Variants in ESRRB observed in about 807,000 individuals in gnomAD.
ESRRB encodes the protein steroid hormone receptor ERR2.
In ESRRB, 16 loss-of-function variants were observed where a neutral mutation model predicts 46.0. The observed-to-expected ratio is 0.35, with a 90% CI of 0.24 to 0.53. The LOEUF (loss-of-function observed/expected upper bound fraction) is 0.53. ESRRB is among the 20% of genes least tolerant of loss of function. The pLI is 0.93. For synonymous variants in ESRRB, 246 were observed against 259.6 expected, an observed-to-expected ratio of 0.95 and a Z score of 0.50; for missense variants, 488 against 607.4, an observed-to-expected ratio of 0.80 and a Z score of 2.07.
chr14:76,324,672 A>T (rs1348104862), intron 1 of ESRRB, among the ~76,000 whole-genome samples: 1 of 152,162 alleles, frequency 6.6e-6, no homozygotes, highest in Non-Finnish European at 1.5e-5. Context: ...CTTGGGTTAC[A>T]TCTCTCTTTC....
At chr14:76,317,510 G>A (rs1883816299) in intron 1 of ESRRB, among the ~76,000 whole-genome samples, 1 of 152,154 alleles carries the variant, frequency 6.6e-6, no homozygotes, top group African/African-American at 2.4e-5. Flanking sequence ...TCAGCTGGGG[G>A]AAGGCACAAT....
At chr14:76,462,218 C>T (rs1470044923) in intron 2 of ESRRB, among the ~76,000 whole-genome samples, 1 of 152,096 alleles carries the variant, frequency 6.6e-6, no homozygotes, top group Non-Finnish European at 1.5e-5. Context: ...TTCTGGTCAG[C>T]ATAGGGGGCG....
rs201519958 is a variant in ESRRB, at chr14:76,392,146, G to GGC, written c.50+15698_50+15699dup. ...GCCCCGGGGCAGGGAGGGGCCTCCA[G>GGC]GCGCTGCCCTGGCTGCTGATATTTC... is the stretch of plus-strand genomic sequence containing the variant. On this transcript the variant is annotated intron_variant, in intron 1 of 6. Coordinates refer to ENST00000644823, the MANE Select transcript of ESRRB (RefSeq NM_001379180.1). 6.5e-3 allele frequency among the ~76,000 whole-genome samples: 989 copies of GGC among 152,352 alleles called. 13 individuals carry two copies. The highest frequency in any genetic ancestry group is 0.023 in the African/African-American group (948 of 41,578).
At position 76,462,577 on chromosome 14, in the gene ESRRB, G is replaced by A. The variant is rs376901347; in HGVS notation, c.493G>A (p.Glu165Lys). The A allele has an allele frequency of 3.1e-6, 5 of 1,613,974 alleles. No homozygotes were observed. The highest frequency in any genetic ancestry group is 2.7e-5 in the African/African-American group (2 of 74,932). ...TGAGTACAGCTGCCCGGCCACCAAC[G>A]AGTGCGAGATCACCAAACGGAGGCG... ...NIEYSCPATN[E>K]CEITKRRRKS... The change falls in exon 3 of 7, where the codon GAG becomes AAG. Residue 165 changes from glutamate (E) to lysine (K), a missense_variant. Coordinates refer to ENST00000644823, the MANE Select transcript of ESRRB (RefSeq NM_001379180.1).
intron 3 of ESRRB, chr14:76,463,445 G>GTTTTGTTTTTTTTTTTTTTTTTTTTTTTT (rs1555342250): frequency 8.7e-6 from 1 of 114,738 alleles, no homozygotes; most frequent in African/African-American, 3.7e-5. Context: ...ATGCTTCTTT[G>GTTTTGTTTTTTTTTTTTTTTTTTTTTTTT]TTTTTTTTTT....
intron 1 of ESRRB, among the ~76,000 whole-genome samples, chr14:76,405,649 T>C (rs1197214018): frequency 6.6e-6 from 1 of 151,828 alleles, no homozygotes; most frequent in Non-Finnish European, 1.5e-5. Flanking sequence ...GCACATGGCC[T>C]GCTGTAGCCA....
intron 5 of ESRRB, among the ~76,000 whole-genome samples, chr14:76,488,924 A>G (rs924377253): frequency 1.3e-5 from 2 of 151,922 alleles, no homozygotes; most frequent in African/African-American, 4.8e-5. Context: ...TTCACTGTAA[A>G]CCGTTGAAGG....
At position 76,445,167 on chromosome 14, in the gene ESRRB, T is replaced by C. The variant is rs1292165719; in HGVS notation, c.460+5417T>C. Among the ~76,000 whole-genome samples the C allele has an allele frequency of 3.1e-5, 4 of 130,350 alleles. No homozygotes were observed. In the South Asian group the frequency reaches 1.0e-3, roughly 32 times the overall value. The allele number at this position is 130,350 out of a possible 152,430, so 85.5% of individuals were successfully genotyped here. On this transcript the variant is annotated intron_variant, in intron 2 of 6. Coordinates refer to ENST00000644823, the MANE Select transcript of ESRRB (RefSeq NM_001379180.1). Reference sequence around the variant, plus strand: ...CAGCCTGGGCAACAGAGCTGGAGTTTCTTTAAAAAAAAAAAAAAGCGGCCG... The same window carrying C: ...CAGCCTGGGCAACAGAGCTGGAGTTCCTTTAAAAAAAAAAAAAAGCGGCCG...
At chr14:76,408,086 G>A (rs1015026086) in intron 1 of ESRRB, among the ~76,000 whole-genome samples, 2 of 152,162 alleles carry the variant, frequency 1.3e-5, no homozygotes, top group African/African-American at 4.8e-5. Flanking sequence ...GGGGCCCTGA[G>A]TCAACAGGCG....
chr14:76,320,399 G>T (rs7160164), intron 1 of ESRRB, among the ~76,000 whole-genome samples: 1 of 152,086 alleles, frequency 6.6e-6, no homozygotes, highest in Non-Finnish European at 1.5e-5. Context: ...AAAAGAAATC[G>T]GTAGACCAGA....
intron 3 of ESRRB, among the ~76,000 whole-genome samples, chr14:76,462,960 C>T (rs553631992): frequency 5.3e-5 from 8 of 152,298 alleles, no homozygotes; most frequent in Admixed American, 2.0e-4. Context: ...CCACGTCTAC[C>T]CTAGGAGGGG....
At chr14:76,387,536 C>G (rs1011595903) in intron 1 of ESRRB, among the ~76,000 whole-genome samples, 1 of 152,232 alleles carries the variant, frequency 6.6e-6, no homozygotes, top group Non-Finnish European at 1.5e-5. Flanking sequence ...CAATTTAGCA[C>G]TGCAGCTGCC....
rs1890634739 is a variant in ESRRB, at chr14:76,500,844, G to A, written c.*2386G>A. On this transcript the variant is annotated 3_prime_UTR_variant, in exon 7 of 7. Transcript: ENST00000644823. ...GCAGAGTGGGGCGGAAGTCCTGATG[G>A]TTGGTGTCCATGAGGTGGAAGCTGC... The A allele has an allele frequency of 2.8e-6, 3 of 1,061,712 alleles. No individual in the cohort carries two copies. In the South Asian group the frequency reaches 3.8e-5, roughly 13 times the overall value. The allele number at this position is 1,061,712 out of a possible 1,614,324, so 65.8% of individuals were successfully genotyped here. A position where few individuals can be genotyped will look rare whatever the true frequency, so the allele number is the denominator to read the frequency against.
intron 1 of ESRRB, among the ~76,000 whole-genome samples, chr14:76,334,121 A>T (rs921164438): frequency 6.6e-6 from 1 of 152,184 alleles, no homozygotes; most frequent in Non-Finnish European, 1.5e-5. Flanking sequence ...TAAGAATTAT[A>T]AAAATAAGAA....
intron 3 of ESRRB, among the ~76,000 whole-genome samples, chr14:76,468,791 G>T (rs1889236735): frequency 6.6e-6 from 1 of 152,078 alleles, no homozygotes; most frequent in African/African-American, 2.4e-5. Context: ...TTGTTGATTG[G>T]AGATAGATAT....
At chr14:76,320,465 A>G (rs1342132427) in intron 1 of ESRRB, among the ~76,000 whole-genome samples, 1 of 152,194 alleles carries the variant, frequency 6.6e-6, no homozygotes, top group African/African-American at 2.4e-5. Context: ...CCCCCTGGGC[A>G]GTGATCATGT....
intron 1 of ESRRB, among the ~76,000 whole-genome samples, chr14:76,410,848 A>G (rs759781349): frequency 6.6e-6 from 1 of 151,780 alleles, no homozygotes; most frequent in African/African-American, 2.4e-5. Context: ...CAGTGGTGCA[A>G]TCTCAGCTCA....
rs977838459 is a variant in ESRRB, at chr14:76,376,838, C to G, written c.50+387C>G. Reference sequence around the variant, plus strand: ...ATGTGGTTGCAAGGATGTCCTGTCCCGTCAGAGAAAGCCTTTCCCGCGGGC... The same window carrying G: ...ATGTGGTTGCAAGGATGTCCTGTCCGGTCAGAGAAAGCCTTTCCCGCGGGC... On this transcript the variant is annotated intron_variant, in intron 1 of 6. Transcript: ENST00000644823. This position sits in a 1 kb window ranked among gnomAD's most constrained non-coding sequence, Gnocchi z 4.1. Among the ~76,000 whole-genome samples the G allele has an allele frequency of 1.3e-5, 2 of 152,194 alleles. No individual in the cohort carries two copies. The highest frequency in any genetic ancestry group is 6.5e-5 in the Admixed American group (1 of 15,288).
In ESRRB at chr14:76,322,879, T is replaced by C. The variant is rs373878182; in HGVS notation, c.2+11963T>C. On this transcript the variant is annotated intron_variant, in intron 1 of 6. Transcript: ENST00000512784. ...TGCTAATCACATTGCTGAGGAGAGT[T>C]ATAACATCTCCCTACCTTGGATGGA... Among the ~76,000 whole-genome samples the C allele has an allele frequency of 7.2e-5, 11 of 152,202 alleles. No individual in the cohort carries two copies. In the East Asian group the frequency reaches 1.2e-3, roughly 16 times the overall value.
Sources: gnomAD v4.1 joint callset for allele counts (sites outside exome capture counted in the v4.1 genomes callset) on GRCh38, gnomAD v4.1.1 for gene constraint, Gnocchi (gnomAD v3.1) non-coding constraint, MANE v1.5 for transcripts, NCBI Gene and HGNC (gene_info 2026-07-23, HGNC 2026-07-21) for gene names.